The following PLPPR1 variants were observed in gnomAD, a reference collection of about 807,000 sequenced individuals.
PLPPR1 encodes phospholipid phosphatase-related protein type 1.
Under a neutral mutation model 33.1 loss-of-function variants are expected in PLPPR1, and 10 were observed. That is an observed-to-expected ratio of 0.30 (90% CI 0.19 to 0.51). The LOEUF is 0.51. PLPPR1 is among the 20% of genes least tolerant of loss of function. PLPPR1 has a pLI of 0.97. For synonymous variants in PLPPR1, 151 were observed against 151.0 expected, an observed-to-expected ratio of 1.00 and a Z score of 0.00; for missense variants, 304 against 408.1, an observed-to-expected ratio of 0.74 and a Z score of 2.20.
intron 2 of PLPPR1, among the ~76,000 whole-genome samples, chr9:101,249,453 A>G (rs1827676539): frequency 6.6e-6 from 1 of 152,098 alleles, no homozygotes; most frequent in East Asian, 1.9e-4. Context: ...ACCATGTGGA[A>G]AAGATCAACA....
At chr9:101,297,651 T>G (rs921098900) in intron 4 of PLPPR1, among the ~76,000 whole-genome samples, 1 of 152,216 alleles carries the variant, frequency 6.6e-6, no homozygotes, top group African/African-American at 2.4e-5. Flanking sequence ...AACCATTGTA[T>G]AGTTTCTCAA....
At chr9:101,196,965 A>G (rs1223374712) in intron 2 of PLPPR1, among the ~76,000 whole-genome samples, 2 of 152,224 alleles carry the variant, frequency 1.3e-5, no homozygotes, top group Non-Finnish European at 2.9e-5. Flanking sequence ...GCAGTATGTA[A>G]TCTGAGTTTC....
chr9:101,064,423 G>C (rs1484453328), intron 1 of PLPPR1, among the ~76,000 whole-genome samples: 1 of 152,046 alleles, frequency 6.6e-6, no homozygotes, highest in Non-Finnish European at 1.5e-5. Context: ...AATGAATGGG[G>C]TTATGGTCAA....
At position 101,163,543 on chromosome 9, in the gene PLPPR1, G is replaced by A. The variant is rs143655202; in HGVS notation, c.-45-21907G>A. 6.6e-4 allele frequency among the ~76,000 whole-genome samples: 100 copies of A among 152,238 alleles called. 1 individual carries two copies. Among genetic ancestry groups the A allele is most frequent in the African/African-American group, 2.2e-3 (93 of 41,528 alleles). On this transcript the variant is annotated intron_variant, in intron 1 of 7. Coordinates refer to ENST00000374874, the MANE Select transcript of PLPPR1 (RefSeq NM_207299.2). The stretch of plus-strand genomic sequence containing the variant: ...CATCTAGGTGCAAAGTTACATACAT[G>A]TGCTCAGGTGATGGGGTTGGTGCTG...
At chr9:101,153,138 A>G (rs1391217734) in intron 1 of PLPPR1, among the ~76,000 whole-genome samples, 3 of 152,126 alleles carry the variant, frequency 2.0e-5, no homozygotes, top group Non-Finnish European at 4.4e-5. Flanking sequence ...TGGATTCCTC[A>G]GTAGTTTATT....
At chr9:101,238,944 T>C (rs958967741) in intron 2 of PLPPR1, among the ~76,000 whole-genome samples, 3 of 151,076 alleles carry the variant, frequency 2.0e-5, no homozygotes, top group Non-Finnish European at 3.0e-5. Flanking sequence ...TCCCCTTCTA[T>C]GAGCTCACTT....
At chr9:101,238,362 T>G (rs1179471225) in intron 2 of PLPPR1, among the ~76,000 whole-genome samples, 1 of 141,612 alleles carries the variant, frequency 7.1e-6, no homozygotes, top group Admixed American at 7.1e-5. Context: ...TATATATATA[T>G]ATGGGTATAT....
At chr9:101,265,152 A>C (rs1827965642) in intron 2 of PLPPR1, among the ~76,000 whole-genome samples, 1 of 152,188 alleles carries the variant, frequency 6.6e-6, no homozygotes, top group African/African-American at 2.4e-5. Flanking sequence ...TTTAACCAGC[A>C]AAGGGCCTTG....
chr9:101,091,985 C>T (rs1304014217), intron 1 of PLPPR1, among the ~76,000 whole-genome samples: 1 of 152,200 alleles, frequency 6.6e-6, no homozygotes, highest in Non-Finnish European at 1.5e-5. Flanking sequence ...TAACGTGAAG[C>T]ATGGGTCCCC....
chr9:101,283,817 T>G (rs1168295072), intron 3 of PLPPR1, among the ~76,000 whole-genome samples: 1 of 151,684 alleles, frequency 6.6e-6, no homozygotes, highest in Non-Finnish European at 1.5e-5. Context: ...TAACCCAATT[T>G]AAAAATGAAG....
At chr9:101,181,608 ATGTG>A (rs374750617) in intron 1 of PLPPR1, among the ~76,000 whole-genome samples, 24 of 129,618 alleles carry the variant, frequency 1.9e-4, no homozygotes, top group South Asian at 1.2e-3. Flanking sequence ...GGGTATATGT[ATGTG>A]TGTGTGTGTG....
rs1358853844 is a variant in PLPPR1, at chr9:101,324,115, AAC to A, written c.*64_*65del. The A allele has an allele frequency of 2.9e-5, 41 of 1,399,598 alleles. No individual in the cohort carries two copies. Among genetic ancestry groups the A allele is most frequent in the Admixed American group, 5.1e-5 (3 of 58,960 alleles). 86.7% of individuals were successfully genotyped at this position (1,399,598 alleles called of 1,614,324 possible). ...ATCATCTTCCAATTCTATACTTCAA[AAC>A]ACACAGTTGCTCAATGTCAAACTGT... On this transcript the variant is annotated 3_prime_UTR_variant, in exon 8 of 8. Transcript: ENST00000374874.
chr9:101,194,960 T>C (rs1396350992), intron 2 of PLPPR1, among the ~76,000 whole-genome samples: 1 of 152,214 alleles, frequency 6.6e-6, no homozygotes, highest in African/African-American at 2.4e-5. Context: ...TAGTATGCGA[T>C]AGTTTTGCCA....
Position 101,099,604 on chromosome 9 carries a change from C to G in PLPPR1, c.-46+70502C>G, listed in dbSNP as rs116319367. Among the ~76,000 whole-genome samples, 817 of 152,146 alleles carry G rather than the reference C, an allele frequency of 5.4e-3. 4 individuals carry two copies. Among genetic ancestry groups the G allele is most frequent in the African/African-American group, 0.019 (781 of 41,510 alleles). ...CCTTTGCATCATTCCCTAGACAATA[C>G]GATATGACAGCCACTTACATAGTGC... On this transcript the variant is annotated intron_variant, in intron 1 of 7. Coordinates refer to ENST00000374874, the MANE Select transcript of PLPPR1 (RefSeq NM_207299.2).
intron 1 of PLPPR1, among the ~76,000 whole-genome samples, chr9:101,043,303 G>A (rs1270779887): frequency 1.3e-5 from 2 of 150,746 alleles, no homozygotes; most frequent in East Asian, 2.0e-4. Flanking sequence ...ATATATGTAT[G>A]TATATATGTG....
intron 2 of PLPPR1, among the ~76,000 whole-genome samples, chr9:101,190,797 A>G (rs189742541): frequency 1.3e-5 from 2 of 152,300 alleles, no homozygotes; most frequent in African/African-American, 2.4e-5. Flanking sequence ...GGAAAAGTTA[A>G]GATGCCACTG....
At chr9:101,093,818 T>C (rs976060621) in intron 1 of PLPPR1, among the ~76,000 whole-genome samples, 5 of 152,198 alleles carry the variant, frequency 3.3e-5, no homozygotes, top group African/African-American at 1.2e-4. Flanking sequence ...CTGTGAATCA[T>C]TGCCAGCATT....
chr9:101,041,679 C>T (rs1310343530), intron 1 of PLPPR1, among the ~76,000 whole-genome samples: 1 of 151,990 alleles, frequency 6.6e-6, no homozygotes, highest in Non-Finnish European at 1.5e-5. Flanking sequence ...GACTTTGGGG[C>T]CATAAAGAAG....
chr9:101,128,600 T>C (rs1831276091), intron 1 of PLPPR1, among the ~76,000 whole-genome samples: 1 of 152,190 alleles, frequency 6.6e-6, no homozygotes, highest in Non-Finnish European at 1.5e-5. Context: ...AGGAGGGTGA[T>C]GTTTTTTCTG....
Sources: allele counts gnomAD v4.1 joint callset (sites outside exome capture counted in the v4.1 genomes callset), GRCh38; gene constraint gnomAD v4.1.1; transcripts MANE v1.5; gene names NCBI Gene and HGNC (gene_info 2026-07-23, HGNC 2026-07-21).